Variants in PTCD2 observed in about 807,000 individuals in gnomAD.
PTCD2 encodes pentatricopeptide repeat-containing protein 2, mitochondrial.
Under a neutral mutation model 42.6 loss-of-function variants are expected in PTCD2, and 31 were observed. The ratio of observed to expected loss-of-function variants is 0.73; its 90% CI spans 0.55 to 0.98. The LOEUF is 0.98. Ranked by LOEUF, PTCD2 falls within the 50% of genes least tolerant of loss-of-function variation. PTCD2 has a pLI of 0.00. For synonymous variants in PTCD2, 183 were observed against 170.9 expected, an observed-to-expected ratio of 1.07 and a Z score of -0.55; for missense variants, 476 against 454.8, an observed-to-expected ratio of 1.05 and a Z score of -0.42.
At position 72,365,924 on chromosome 5, in the gene PTCD2, GACTT is replaced by G. The variant is rs1456238004; in HGVS notation, c.*7500_*7503del. 2 of 152,054 alleles carry G rather than the reference GACTT, an allele frequency of 1.3e-5. No homozygotes were observed. Among genetic ancestry groups the G allele is most frequent in the Non-Finnish European group, 2.9e-5 (2 of 68,022 alleles). 9.4% of individuals were successfully genotyped at this position (152,054 alleles called of 1,614,324 possible). ...ATAGACAAAAATAGATAACATATAA[GACTT>G]ACCAGCTGGGCAAGGTAGCTCAAGT... is the stretch of plus-strand genomic sequence containing the variant. On this transcript the variant is annotated 3_prime_UTR_variant, in exon 10 of 10. Coordinates refer to ENST00000380639, the MANE Select transcript of PTCD2 (RefSeq NM_024754.5).
rs748596492 is a variant in PTCD2 at position 72,320,389 on chromosome 5, CGAG to C, written c.8_10del (p.Arg3_Asp4delinsHis). On this transcript the variant is annotated inframe_deletion, in exon 1 of 10. Coordinates refer to ENST00000380639, the MANE Select transcript of PTCD2 (RefSeq NM_024754.5). Reference sequence around the variant, plus strand: ...CCCGGTTCCAGTAGTTGGTATGGTCCGAGACAGTATGGCTGCTGCATTTCGGCC... The same window carrying C: ...CCCGGTTCCAGTAGTTGGTATGGTCCACAGTATGGCTGCTGCATTTCGGCC... The C allele has an allele frequency of 6.2e-7, 1 of 1,614,042 alleles. No homozygotes were observed. The highest frequency in any genetic ancestry group is 2.2e-5 in the East Asian group (1 of 44,870).
chr5:72,327,995 G>GA (rs1177748682), intron 3 of PTCD2, among the ~76,000 whole-genome samples: 1 of 151,896 alleles, frequency 6.6e-6, no homozygotes, highest in African/African-American at 2.4e-5. Flanking sequence ...TTTATAACAT[G>GA]AAAAAAATGT....
chr5:72,358,270 G>A lies in PTCD2; in HGVS notation c.1010G>A (p.Gly337Glu). The A allele has an allele frequency of 6.2e-7, 1 of 1,613,978 alleles. No homozygotes were observed. Among genetic ancestry groups the A allele is most frequent in the East Asian group, 2.2e-5 (1 of 44,872 alleles). Reference sequence around the variant, plus strand: ...GTGGCCAAATTTGATGAGATCTATGGGACACTGCACATCACTGGCCAGGTC... The same window carrying A: ...GTGGCCAAATTTGATGAGATCTATGAGACACTGCACATCACTGGCCAGGTC... ...ALVAKFDEIY[G>E]TLHITGQVTT... The change falls in exon 10 of 10, where the codon GGG becomes GAG. Residue 337 changes from glycine (G) to glutamate (E), a missense_variant. By Grantham distance (98) the Gly-to-Glu change is moderately conservative (BLOSUM62 -2). Coordinates refer to ENST00000380639, the MANE Select transcript of PTCD2 (RefSeq NM_024754.5).
chr5:72,343,039 A>G lies in PTCD2; in HGVS notation c.828+3A>G, dbSNP rs766124055. On this transcript the variant is annotated splice_donor_region_variant and intron_variant, in intron 8 of 9. Coordinates refer to ENST00000380639, the MANE Select transcript of PTCD2 (RefSeq NM_024754.5). ...GCATAGCCTGCATTAATTTAAATGT[A>G]AGTGATTTCTTTATGGTTTAAGGTA... The G allele has an allele frequency of 6.5e-7, 1 of 1,530,590 alleles. No individual in the cohort carries two copies. Among genetic ancestry groups the G allele is most frequent in the South Asian group, 1.2e-5 (1 of 83,982 alleles). The allele number at this position is 1,530,590 out of a possible 1,614,324, so 94.8% of individuals were successfully genotyped here. A position where few individuals can be genotyped will look rare whatever the true frequency, so the allele number is the denominator to read the frequency against.
intron 2 of PTCD2, among the ~76,000 whole-genome samples, chr5:72,326,071 C>T (rs532903322): frequency 6.6e-6 from 1 of 152,050 alleles, no homozygotes; most frequent in African/African-American, 2.4e-5. Flanking sequence ...TAAAAAGAGA[C>T]CAAGAGGAAT....
chr5:72,332,308 A>G (rs1408260250), intron 4 of PTCD2, among the ~76,000 whole-genome samples: 1 of 152,176 alleles, frequency 6.6e-6, no homozygotes, highest in Non-Finnish European at 1.5e-5. Context: ...AGATACCCAT[A>G]ATATATTAGT....
At chr5:72,340,012 G>A (rs566099260) in intron 7 of PTCD2, among the ~76,000 whole-genome samples, 34 of 152,038 alleles carry the variant, frequency 2.2e-4, no homozygotes, top group Non-Finnish European at 1.5e-4. Flanking sequence ...ATAAATTTCT[G>A]TGTTGCTTTA....
At chr5:72,354,510 A>G (rs1018617509) in intron 9 of PTCD2, among the ~76,000 whole-genome samples, 3 of 152,056 alleles carry the variant, frequency 2.0e-5, no homozygotes, top group African/African-American at 7.2e-5. Context: ...ATGGCCTTTA[A>G]ACTTTCGAAA....
At chr5:72,327,549 A>G (rs1332621885) in intron 3 of PTCD2, among the ~76,000 whole-genome samples, 2 of 151,228 alleles carry the variant, frequency 1.3e-5, no homozygotes, top group African/African-American at 2.4e-5. Flanking sequence ...TTTCAGCTCA[A>G]TGCAACCTCC....
Position 72,331,287 on chromosome 5 carries a change from T to G in PTCD2, c.380T>G (p.Leu127Trp). Residue 127 changes from leucine to tryptophan, a missense_variant, in exon 4 of 10, where the codon TTG becomes TGG. Physicochemically the swap from Leu to Trp is moderately conservative, Grantham distance 61. Coordinates refer to ENST00000380639, the MANE Select transcript of PTCD2 (RefSeq NM_024754.5). Reference protein sequence around the residue: ...RYHAENKNFTLGEYKFGPLFV... With the variant: ...RYHAENKNFTWGEYKFGPLFV... ...CATGCAGAGAACAAAAATTTCACTT[T>G]GGGGGAGTATAAATTTGGACCGCTT... is the stretch of plus-strand genomic sequence containing the variant. The G allele has an allele frequency of 6.2e-7, 1 of 1,613,896 alleles. No individual in the cohort carries two copies.
intron 3 of PTCD2, 151 bp from the exon 4 acceptor site, chr5:72,331,107 T>C (rs1482518580): frequency 9.2e-6 from 6 of 654,348 alleles, no homozygotes. Flanking sequence ...GATTCCTGAT[T>C]GTCTGAAATC....
chr5:72,350,625 C>T (rs893444466), intron 8 of PTCD2, among the ~76,000 whole-genome samples: 5 of 152,132 alleles, frequency 3.3e-5, no homozygotes, highest in African/African-American at 4.8e-5. Context: ...AGGGTGTGCT[C>T]GTGATTTTGC....
chr5:72,328,690 C>A (rs1219377123), intron 3 of PTCD2, among the ~76,000 whole-genome samples: 2 of 151,820 alleles, frequency 1.3e-5, no homozygotes, highest in East Asian at 3.9e-4. Context: ...ATAGTTATTG[C>A]TGTGTAATTA....
At chr5:72,321,223 G>C (rs1397784584) in intron 1 of PTCD2, 2 of 152,264 alleles carry the variant, frequency 1.3e-5, no homozygotes, top group Admixed American at 6.5e-5. Context: ...ACATCTCTAT[G>C]AAGAGAGTTA....
chr5:72,333,097 C>G (rs1580153319), intron 4 of PTCD2, among the ~76,000 whole-genome samples: 1 of 152,144 alleles, frequency 6.6e-6, no homozygotes, highest in Non-Finnish European at 1.5e-5. Flanking sequence ...GCTCTGGTGG[C>G]TTTCCCTCAC....
chr5:72,353,654 AG>A (rs1405394225), intron 9 of PTCD2, among the ~76,000 whole-genome samples: 11 of 152,200 alleles, frequency 7.2e-5, no homozygotes, highest in African/African-American at 2.7e-4. Flanking sequence ...GGACATGAAT[AG>A]GGCAGCTAAT....
chr5:72,355,060 T>TA (rs148410916), intron 9 of PTCD2, among the ~76,000 whole-genome samples: 7 of 152,044 alleles, frequency 4.6e-5, no homozygotes, highest in Admixed American at 2.0e-4. Flanking sequence ...AACACTACGA[T>TA]AAAAAAAACA....
intron 7 of PTCD2, among the ~76,000 whole-genome samples, chr5:72,339,100 G>T (rs1248274655): frequency 6.6e-6 from 1 of 152,230 alleles, no homozygotes; most frequent in Non-Finnish European, 1.5e-5. Context: ...TCAGCCCATT[G>T]TAGAAATGGG....
intron 1 of PTCD2, chr5:72,321,160 A>G (rs766603839): frequency 3.3e-5 from 5 of 152,330 alleles, no homozygotes; most frequent in Admixed American, 2.0e-4. Flanking sequence ...AGTTCTGCTA[A>G]CAATCTAAAA....
Sources: allele counts gnomAD v4.1 joint callset (sites outside exome capture counted in the v4.1 genomes callset), GRCh38; gene constraint gnomAD v4.1.1; transcripts MANE v1.5; gene names NCBI Gene and HGNC (gene_info 2026-07-23, HGNC 2026-07-21).